The following SLC24A2 variants were observed in gnomAD, a reference collection of about 807,000 sequenced individuals.
SLC24A2 encodes the protein solute carrier family 24 member 2.
Under a neutral mutation model 62.0 loss-of-function variants are expected in SLC24A2, and 36 were observed. That is an observed-to-expected ratio of 0.58 (90% confidence interval 0.44 to 0.77). SLC24A2 has a LOEUF of 0.77. Ranked by LOEUF, SLC24A2 falls within the 30% of genes least tolerant of loss-of-function variation. SLC24A2 has a pLI of 0.00. For missense variants in SLC24A2, 846 were observed against 817.9 expected (o/e 1.03, Z -0.42); for synonymous variants, 358 against 294.0 (o/e 1.22, Z -2.23).
At chr9:19,595,909 C>T (rs1490213246) in intron 5 of SLC24A2, among the ~76,000 whole-genome samples, 1 of 152,086 alleles carries the variant, frequency 6.6e-6, no homozygotes, top group Admixed American at 6.5e-5. Flanking sequence ...ATAAATGGCT[C>T]CTTCTATCCC....
chr9:20,071,185 G>A, the SLC24A2 span, among the ~76,000 whole-genome samples: 81 of 152,210 alleles, frequency 5.3e-4, no homozygotes, highest in Admixed American at 8.5e-4. Context: ...CAGAACTGTG[G>A]GCCAGTTAAG....
chr9:19,764,547 A>G lies in SLC24A2; in HGVS notation c.930+21390T>C, dbSNP rs543361375. Among the ~76,000 whole-genome samples the G allele has an allele frequency of 2.5e-3, 381 of 152,220 alleles. 1 individual carries two copies. Among genetic ancestry groups the G allele is most frequent in the Non-Finnish European group, 3.9e-3 (268 of 68,014 alleles). ...AAAGAACTTATTTATTTCTGTCTTA[A>G]TTTTGTTATTTACGCAGTAGTCATT... On this transcript the variant is annotated intron_variant, in intron 2 of 10. Transcript: ENST00000341998.
the SLC24A2 span, among the ~76,000 whole-genome samples, chr9:19,947,806 AAAAAAGAAAGAAAGAAAG>A: frequency 2.0e-5 from 2 of 100,674 alleles, no homozygotes; most frequent in Admixed American, 1.1e-4. Flanking sequence ...AAAAAAAAAA[AAAAAAGAAAGAAAGAAAG>A]AAAGAAAGAA....
At chr9:20,077,757 G>A in the SLC24A2 span, among the ~76,000 whole-genome samples, 1 of 152,170 alleles carries the variant, frequency 6.6e-6, no homozygotes, top group South Asian at 2.1e-4. Flanking sequence ...ATAGTTGCAA[G>A]CTTGACAACT....
At chr9:20,250,834 C>G in the SLC24A2 span, among the ~76,000 whole-genome samples, 1 of 152,194 alleles carries the variant, frequency 6.6e-6, no homozygotes, top group East Asian at 1.9e-4. Context: ...GTCACATACA[C>G]CATCAGTTTG....
chr9:20,140,481 T>C, the SLC24A2 span, among the ~76,000 whole-genome samples: 1 of 152,176 alleles, frequency 6.6e-6, no homozygotes, highest in African/African-American at 2.4e-5. Context: ...TTGTGAAGAC[T>C]CAGGCAGACT....
the SLC24A2 span, among the ~76,000 whole-genome samples, chr9:19,858,674 A>G: frequency 6.6e-6 from 1 of 151,978 alleles, no homozygotes; most frequent in Non-Finnish European, 1.5e-5. Context: ...AAACAGCCCC[A>G]TTAAAGAGCA....
chr9:19,600,228 T>C (rs1485541791), intron 4 of SLC24A2, among the ~76,000 whole-genome samples: 1 of 152,228 alleles, frequency 6.6e-6, no homozygotes, highest in East Asian at 1.9e-4. Flanking sequence ...TTGTAAATGC[T>C]GCCCATTATG....
At chr9:19,799,062 CTT>C in the SLC24A2 span, among the ~76,000 whole-genome samples, 20 of 152,206 alleles carry the variant, frequency 1.3e-4, 2 homozygotes, top group Admixed American at 9.2e-4. Flanking sequence ...TCTACTAACT[CTT>C]TTTAAAAATA....
At chr9:19,858,832 A>C in the SLC24A2 span, among the ~76,000 whole-genome samples, 1 of 152,216 alleles carries the variant, frequency 6.6e-6, no homozygotes, top group African/African-American at 2.4e-5. Flanking sequence ...CAGTATTATT[A>C]AAAAGTCAAA....
chr9:19,824,909 C>T, the SLC24A2 span, among the ~76,000 whole-genome samples: 2 of 152,046 alleles, frequency 1.3e-5, no homozygotes, highest in African/African-American at 4.8e-5. Flanking sequence ...TTTCAGCAAA[C>T]TAACACAGGA....
At chr9:19,679,188 T>C (rs1204784350) in intron 2 of SLC24A2, among the ~76,000 whole-genome samples, 1 of 152,196 alleles carries the variant, frequency 6.6e-6, no homozygotes, top group African/African-American at 2.4e-5. Flanking sequence ...GTTTACAGAA[T>C]ACTTACCTAT....
At chr9:20,169,413 G>A in the SLC24A2 span, among the ~76,000 whole-genome samples, 1 of 151,976 alleles carries the variant, frequency 6.6e-6, no homozygotes, top group Non-Finnish European at 1.5e-5. Flanking sequence ...CAAATTCTCT[G>A]AAGGAAGTGG....
At chr9:19,546,567 C>G (rs1563952151) in intron 8 of SLC24A2, among the ~76,000 whole-genome samples, 1 of 152,184 alleles carries the variant, frequency 6.6e-6, no homozygotes. Context: ...AGGTTGACCT[C>G]AGACTGTTGT....
At chr9:20,058,576 T>A in the SLC24A2 span, among the ~76,000 whole-genome samples, 1 of 151,218 alleles carries the variant, frequency 6.6e-6, no homozygotes, top group Non-Finnish European at 1.5e-5. Flanking sequence ...TAACAATGAC[T>A]CCCCCATGTA....
the SLC24A2 span, among the ~76,000 whole-genome samples, chr9:20,256,952 G>C: frequency 2.1e-5 from 3 of 146,062 alleles, no homozygotes; most frequent in South Asian, 6.6e-4. Flanking sequence ...ACACACACTT[G>C]CCTAAAGTGA....
chr9:20,147,325 G>A, the SLC24A2 span, among the ~76,000 whole-genome samples: 1 of 152,082 alleles, frequency 6.6e-6, no homozygotes, highest in African/African-American at 2.4e-5. Flanking sequence ...TGCTAAACAT[G>A]TAAAAAAGGT....
chr9:19,915,041 A>G, the SLC24A2 span, among the ~76,000 whole-genome samples: 2 of 152,146 alleles, frequency 1.3e-5, no homozygotes, highest in Non-Finnish European at 2.9e-5. Flanking sequence ...AACTGTTACC[A>G]TTAAGTAACT....
chr9:20,225,320 C>T, the SLC24A2 span, among the ~76,000 whole-genome samples: 72 of 151,362 alleles, frequency 4.8e-4, 2 homozygotes, highest in Admixed American at 4.6e-3. Context: ...CGGCAACAGT[C>T]TAAATGTCTA....
Sources: allele counts gnomAD v4.1 joint callset (sites outside exome capture counted in the v4.1 genomes callset), GRCh38; gene constraint gnomAD v4.1.1; transcripts MANE v1.5; gene names NCBI Gene and HGNC (gene_info 2026-07-23, HGNC 2026-07-21).